Variants in PDE1A observed in about 807,000 individuals in gnomAD.
The protein encoded by PDE1A is phosphodiesterase 1A.
A neutral mutation model predicts 61.7 loss-of-function variants in PDE1A; 35 were observed. That is an observed-to-expected ratio of 0.57 (90% CI 0.43 to 0.75). PDE1A has a LOEUF of 0.75. PDE1A is among the 30% of genes least tolerant of loss of function. PDE1A has a pLI of 0.00. For synonymous variants in PDE1A, 232 were observed against 213.2 expected (o/e 1.09, Z -0.77); for missense variants, 597 against 630.6 (o/e 0.95, Z 0.57).
the PDE1A span, among the ~76,000 whole-genome samples, chr2:182,604,379 A>G: frequency 1.3e-5 from 2 of 152,198 alleles, no homozygotes; most frequent in Non-Finnish European, 2.9e-5. Flanking sequence ...CTATTTCTTG[A>G]ACATTGCTTA....
chr2:182,276,416 A>G (rs566616174), intron 1 of PDE1A, among the ~76,000 whole-genome samples: 2 of 152,068 alleles, frequency 1.3e-5, no homozygotes, highest in African/African-American at 4.8e-5. Flanking sequence ...CTTCATCTCA[A>G]TCTCTGAACA....
intron 1 of PDE1A, among the ~76,000 whole-genome samples, chr2:182,367,642 G>A (rs1699911058): frequency 6.6e-6 from 1 of 152,016 alleles, no homozygotes; most frequent in Non-Finnish European, 1.5e-5. Flanking sequence ...GCATGAAACT[G>A]CATTTGATGG....
the PDE1A span, among the ~76,000 whole-genome samples, chr2:182,633,839 T>C: frequency 1.3e-5 from 2 of 152,120 alleles, no homozygotes; most frequent in African/African-American, 4.8e-5. Context: ...ATCCCAGCAC[T>C]TTGGGAGGCC....
chr2:182,231,024 G>A, exon 5 of PDE1A: 2 of 1,537,208 alleles, frequency 1.3e-6, no homozygotes, highest in Non-Finnish European at 1.8e-6. Flanking sequence ...CCTTGAAACG[G>A]TTGATAAGAT....
chr2:182,296,349 T>TTTGCCTAC (rs1258043773), intron 1 of PDE1A, among the ~76,000 whole-genome samples: 9 of 152,280 alleles, frequency 5.9e-5, no homozygotes, highest in African/African-American at 2.2e-4. Context: ...AAGGCACACA[T>TTTGCCTAC]TTGCCTACTT....
the PDE1A span, among the ~76,000 whole-genome samples, chr2:182,623,976 T>A: frequency 2.0e-5 from 3 of 151,700 alleles, no homozygotes; most frequent in Non-Finnish European, 4.4e-5. Flanking sequence ...ATACAAAAAA[T>A]TAGCCGGGCG....
intron 1 of PDE1A, among the ~76,000 whole-genome samples, chr2:182,334,880 T>G (rs878863293): frequency 6.6e-6 from 1 of 152,184 alleles, no homozygotes; most frequent in Non-Finnish European, 1.5e-5. Context: ...GAAAACCCCA[T>G]TGTCTCAGCC....
At chr2:182,329,981 T>G (rs1697297451) in intron 1 of PDE1A, among the ~76,000 whole-genome samples, 1 of 152,168 alleles carries the variant, frequency 6.6e-6, no homozygotes, top group African/African-American at 2.4e-5. Flanking sequence ...AGTTGTTGAA[T>G]GAACCTCAAA....
intron 7 of PDE1A, among the ~76,000 whole-genome samples, chr2:182,219,802 C>A (rs1016618135): frequency 1.3e-5 from 2 of 152,038 alleles, no homozygotes; most frequent in Admixed American, 6.6e-5. Flanking sequence ...ACACCACCAC[C>A]ACCACACATG....
chr2:182,369,123 C>T (rs1699995537), intron 1 of PDE1A, among the ~76,000 whole-genome samples: 1 of 152,008 alleles, frequency 6.6e-6, no homozygotes, highest in Non-Finnish European at 1.5e-5. Context: ...CAAATTTGAT[C>T]TGTCTCAGCA....
intron 1 of PDE1A, among the ~76,000 whole-genome samples, chr2:182,412,600 G>C (rs1702682600): frequency 2.0e-5 from 3 of 152,176 alleles, no homozygotes; most frequent in Admixed American, 2.0e-4. Context: ...AAATAAATTA[G>C]ACTAGAAACA....
chr2:182,312,363 C>G (rs1287257487), intron 1 of PDE1A, among the ~76,000 whole-genome samples: 2 of 151,974 alleles, frequency 1.3e-5, no homozygotes, highest in African/African-American at 4.8e-5. Flanking sequence ...TATATCTAAA[C>G]AATATTTGCC....
intron 1 of PDE1A, among the ~76,000 whole-genome samples, chr2:182,385,937 C>A (rs1457308007): frequency 1.3e-5 from 2 of 152,096 alleles, no homozygotes; most frequent in Admixed American, 1.3e-4. Context: ...CTGCTGCCAT[C>A]TCGGCTCACT....
chr2:182,707,827 A>G, the PDE1A span, among the ~76,000 whole-genome samples: 1 of 152,152 alleles, frequency 6.6e-6, no homozygotes, highest in Non-Finnish European at 1.5e-5. Flanking sequence ...AGAAGTCGCA[A>G]TTAAATTGTG....
chr2:182,522,715 G>T, exon 1 of PDE1A: 1 of 1,003,218 alleles, frequency 1.0e-6, no homozygotes. Flanking sequence ...TTACTGTTCT[G>T]TGCACTGAAG....
At chr2:182,185,624 T>C (rs1685136110) in intron 13 of PDE1A, among the ~76,000 whole-genome samples, 1 of 152,180 alleles carries the variant, frequency 6.6e-6, no homozygotes, top group African/African-American at 2.4e-5. Flanking sequence ...TTTGTCACCA[T>C]TTCATTATCT....
chr2:182,689,411 C>T, the PDE1A span, among the ~76,000 whole-genome samples: 1 of 152,124 alleles, frequency 6.6e-6, no homozygotes, highest in African/African-American at 2.4e-5. Flanking sequence ...AACTGAACAC[C>T]CTGTTCCTGA....
intron 2 of PDE1A, among the ~76,000 whole-genome samples, chr2:182,511,769 C>T (rs557707773): frequency 9.2e-5 from 14 of 152,174 alleles, no homozygotes; most frequent in Non-Finnish European, 1.9e-4. Context: ...CTTGGACACA[C>T]CCATTTGCAG....
chr2:182,533,707 A>G, the PDE1A span, among the ~76,000 whole-genome samples: 2 of 152,172 alleles, frequency 1.3e-5, no homozygotes, highest in African/African-American at 4.8e-5. Context: ...AAATAATTCA[A>G]CTTAAAAATT....
Sources: gnomAD v4.1 joint callset for allele counts (sites outside exome capture counted in the v4.1 genomes callset) on GRCh38, gnomAD v4.1.1 for gene constraint, MANE v1.5 for transcripts, NCBI Gene and HGNC (gene_info 2026-07-23, HGNC 2026-07-21) for gene names.